The following RIMKLA variants were observed in gnomAD, a reference collection of about 807,000 sequenced individuals.
RIMKLA encodes ribosomal modification protein rimK like family member A, also known as N-acetylaspartylglutamate synthase A.
Under a neutral mutation model 32.7 loss-of-function variants are expected in RIMKLA, and 14 were observed. The ratio of observed to expected loss-of-function variants is 0.43; its 90% CI spans 0.28 to 0.67. The LOEUF is 0.67. RIMKLA is among the 30% of genes least tolerant of loss of function. The pLI is 0.18. For missense variants in RIMKLA, 410 were observed against 519.0 expected (o/e 0.79, Z 2.04); for synonymous variants, 176 against 204.1 (o/e 0.86, Z 1.18).
At chr1:42,410,828 G>GA (rs34862879) in intron 4 of RIMKLA, among the ~76,000 whole-genome samples, 61,095 of 150,112 alleles carry the variant, frequency 0.41, 12,828 homozygotes, top group Middle Eastern at 0.53. Flanking sequence ...TTGGTGATAG[G>GA]AAAAAAAAAA....
At chr1:42,397,703 C>A (rs1367814713) in intron 1 of RIMKLA, among the ~76,000 whole-genome samples, 1 of 151,662 alleles carries the variant, frequency 6.6e-6, no homozygotes, top group Non-Finnish European at 1.5e-5. Flanking sequence ...CCATCCTGAG[C>A]GATAGCAAGA....
In RIMKLA at chr1:42,415,813, A is replaced by C. The variant is rs1453806362; in HGVS notation, c.*839A>C. ...CTTTGTTTTTCAATGGACTCTGTTC[A>C]CTTGTCATCCAGAAGCCAGTGGGTT... On this transcript the variant is annotated 3_prime_UTR_variant, in exon 5 of 5. Coordinates refer to ENST00000431473, the MANE Select transcript of RIMKLA (RefSeq NM_173642.4). 1.3e-5 allele frequency: 2 copies of C among 152,180 alleles called. No homozygotes were observed. Among genetic ancestry groups the C allele is most frequent in the Non-Finnish European group, 2.9e-5 (2 of 68,036 alleles). 9.4% of individuals were successfully genotyped at this position (152,180 alleles called of 1,614,324 possible).
At chr1:42,414,036 G>T (rs927337207) in intron 4 of RIMKLA, among the ~76,000 whole-genome samples, 3 of 151,670 alleles carry the variant, frequency 2.0e-5, no homozygotes, top group African/African-American at 7.3e-5. Flanking sequence ...GATTACAGGC[G>T]TGAGTCACTG....
intron 3 of RIMKLA, among the ~76,000 whole-genome samples, chr1:42,407,960 C>G (rs961186033): frequency 6.6e-6 from 1 of 152,110 alleles, no homozygotes; most frequent in Non-Finnish European, 1.5e-5. Flanking sequence ...CTTCTGTACC[C>G]GAAACCAAGA....
intron 1 of RIMKLA, among the ~76,000 whole-genome samples, chr1:42,386,841 C>T (rs1031485894): frequency 6.7e-6 from 1 of 149,658 alleles, no homozygotes; most frequent in Non-Finnish European, 1.5e-5. Flanking sequence ...GCTGAGATTA[C>T]GCCACTGCCC....
intron 1 of RIMKLA, among the ~76,000 whole-genome samples, chr1:42,381,401 T>G (rs192122670): frequency 5.1e-4 from 77 of 152,348 alleles, no homozygotes; most frequent in African/African-American, 1.7e-3. Flanking sequence ...AATCAGGCTG[T>G]TAAACCCCAC....
chr1:42,386,080 C>T (rs1642943958), intron 1 of RIMKLA, among the ~76,000 whole-genome samples: 2 of 151,572 alleles, frequency 1.3e-5, no homozygotes, highest in Non-Finnish European at 2.9e-5. Flanking sequence ...TGCCACCATA[C>T]CGGGCTAATG....
chr1:42,411,487 G>A (rs1643197122), intron 4 of RIMKLA, among the ~76,000 whole-genome samples: 1 of 148,016 alleles, frequency 6.8e-6, no homozygotes, highest in African/African-American at 2.5e-5. Context: ...TTTTGAGACA[G>A]TCTTGCTCTG....
Position 42,380,991 on chromosome 1 carries a change from G to A in RIMKLA, c.57G>A (p.Gln19=), listed in dbSNP as rs1642881862. The change falls in exon 1 of 5, where the codon CAG becomes CAA. Residue 19 remains glutamine, a synonymous_variant. Coordinates refer to ENST00000431473, the MANE Select transcript of RIMKLA (RefSeq NM_173642.4). ...GGCGCATCCGCGAGGACTACCCGCAGGTGCAGATCCTGCGCGCCCTCCGGC... is the reference window on the plus strand; with the variant it reads ...GGCGCATCCGCGAGGACTACCCGCAAGTGCAGATCCTGCGCGCCCTCCGGC... ...TDRRIREDYP[Q]VQILRALRQR... The A allele has an allele frequency of 4.1e-6, 6 of 1,447,776 alleles. No individual in the cohort carries two copies. The highest frequency in any genetic ancestry group is 4.5e-6 in the Non-Finnish European group (5 of 1,100,062). The allele number at this position is 1,447,776 out of a possible 1,614,324, so 89.7% of individuals were successfully genotyped here.
chr1:42,412,830 T>C, intron 4 of RIMKLA: 1 of 256,004 alleles, frequency 3.9e-6, no homozygotes, highest in Non-Finnish European at 7.6e-6. Flanking sequence ...AGGAGCCATC[T>C]CTCTTCTTAA....
Position 42,399,387 on chromosome 1 carries a change from T to C in RIMKLA, c.164-17T>C, listed in dbSNP as rs772978268. On this transcript the variant is annotated splice_polypyrimidine_tract_variant and intron_variant, in intron 1 of 4. Transcript: ENST00000431473. ...ACGATAGCAGGCACAGCACTCACTG[T>C]TGTCCTTGAATTGCAGGCCTCCAGC... The C allele has an allele frequency of 6.4e-7, 1 of 1,568,384 alleles. No homozygotes were observed. The highest frequency in any genetic ancestry group is 8.7e-7 in the Non-Finnish European group (1 of 1,146,520).
chr1:42,399,752 A>G (rs933516351), intron 2 of RIMKLA, 118 bp downstream of exon 2: 2 of 668,222 alleles, frequency 3.0e-6, no homozygotes, highest in Non-Finnish European at 5.1e-6. Flanking sequence ...ATCTTGGCCT[A>G]TCTGAAATCT....
At position 42,417,473 on chromosome 1, in the gene RIMKLA, G is replaced by C. The variant is rs1643258718; in HGVS notation, c.*2499G>C. On this transcript the variant is annotated 3_prime_UTR_variant, in exon 5 of 5. Transcript: ENST00000431473. ...GGGTGTAGAGCCAGAGCCTGGTTCT[G>C]GTTCTCCGCTTGAACAGCTGACCTC... is the stretch of plus-strand genomic sequence containing the variant. The C allele has an allele frequency of 6.6e-6, 1 of 152,132 alleles. No homozygotes were observed. The highest frequency in any genetic ancestry group is 6.5e-5 in the Admixed American group (1 of 15,278). 9.4% of individuals were successfully genotyped at this position (152,132 alleles called of 1,614,324 possible). A position where few individuals can be genotyped will look rare whatever the true frequency, so the allele number is the denominator to read the frequency against.
chr1:42,404,404 C>G (rs1226054531), intron 2 of RIMKLA, 107 bp from the exon 3 acceptor site: 2 of 746,938 alleles, frequency 2.7e-6, no homozygotes, highest in Non-Finnish European at 2.4e-6. Context: ...TGGCCTTAAT[C>G]AGAGAGAGAT....
At chr1:42,403,424 A>G (rs1643117724) in intron 2 of RIMKLA, among the ~76,000 whole-genome samples, 1 of 152,228 alleles carries the variant, frequency 6.6e-6, no homozygotes, top group East Asian at 1.9e-4. Flanking sequence ...TTGGGGCATT[A>G]CGGTGCAGTC....
chr1:42,412,382 A>C, intron 4 of RIMKLA: 1 of 211,672 alleles, frequency 4.7e-6, no homozygotes, highest in East Asian at 1.5e-4. Flanking sequence ...TATAAATATT[A>C]ATATCTATTA....
intron 2 of RIMKLA, 40 bp from the exon 3 acceptor site, chr1:42,404,471 A>G (rs1326762264): frequency 4.9e-6 from 7 of 1,414,510 alleles, no homozygotes; most frequent in African/African-American, 1.4e-5. Context: ...CTACCTGACT[A>G]TCAGCCTTAC....
At chr1:42,402,380 G>A (rs1433075590) in intron 2 of RIMKLA, among the ~76,000 whole-genome samples, 1 of 152,146 alleles carries the variant, frequency 6.6e-6, no homozygotes, top group Non-Finnish European at 1.5e-5. Context: ...GTCCTTAAAA[G>A]TGGAACAGGA....
chr1:42,386,487 AT>A (rs1356883208), intron 1 of RIMKLA, among the ~76,000 whole-genome samples: 1 of 151,784 alleles, frequency 6.6e-6, no homozygotes, highest in Non-Finnish European at 1.5e-5. Flanking sequence ...AATTTGGATT[AT>A]AATTGTTTTT....
Sources: allele counts gnomAD v4.1 joint callset (sites outside exome capture counted in the v4.1 genomes callset), GRCh38; gene constraint gnomAD v4.1.1; transcripts MANE v1.5; gene names NCBI Gene and HGNC (gene_info 2026-07-23, HGNC 2026-07-21).